The following CCDC39 variants were observed in gnomAD, a reference collection of about 807,000 sequenced individuals.
CCDC39 encodes coiled-coil domain-containing protein 39.
A neutral mutation model predicts 121.0 loss-of-function variants in CCDC39; 113 were observed. The observed-to-expected ratio is 0.93, with a 90% CI of 0.80 to 1.09. CCDC39 has a LOEUF of 1.09. CCDC39 is among the 50% of genes least tolerant of loss of function. The probability of loss-of-function intolerance (pLI) is 0.00; values close to 1 mark genes in which losing one functional copy is unlikely to be tolerated. For missense variants in CCDC39, 1,063 were observed against 1,074.7 expected (o/e 0.99, Z 0.15); for synonymous variants, 349 against 352.2 (o/e 0.99, Z 0.10).
At chr3:180,664,729 C>T (rs956754830) in intron 1 of CCDC39, among the ~76,000 whole-genome samples, 1 of 148,706 alleles carries the variant, frequency 6.7e-6, no homozygotes, top group African/African-American at 2.5e-5. Flanking sequence ...GAGTCTTGCT[C>T]TTGTCACCCA....
At chr3:180,643,173 A>T (rs190817320) in intron 12 of CCDC39, among the ~76,000 whole-genome samples, 2,747 of 151,970 alleles carry the variant, frequency 0.018, 109 homozygotes, top group African/African-American at 0.064. Flanking sequence ...GTTAGCCAGG[A>T]TGGTCTCGAT....
intron 12 of CCDC39, among the ~76,000 whole-genome samples, chr3:180,643,837 T>C (rs1236270272): frequency 6.6e-6 from 1 of 152,166 alleles, no homozygotes; most frequent in African/African-American, 2.4e-5. Context: ...TAAACTATGG[T>C]AATTTCATGC....
intron 8 of CCDC39, among the ~76,000 whole-genome samples, chr3:180,651,765 CG>C (rs1197295776): frequency 6.6e-6 from 1 of 152,018 alleles, no homozygotes; most frequent in African/African-American, 2.4e-5. Context: ...TGGCCAGGCG[CG>C]GTGGCTCACG....
intron 1 of CCDC39, among the ~76,000 whole-genome samples, chr3:180,669,864 T>C (rs964331756): frequency 3.9e-5 from 6 of 152,182 alleles, no homozygotes; most frequent in Non-Finnish European, 8.8e-5. Flanking sequence ...ATCAGATCGT[T>C]GACTGCTCTG....
At chr3:180,652,409 T>G (rs920259367) in intron 7 of CCDC39, 143 bp from the exon 8 acceptor site, 2 of 493,874 alleles carry the variant, frequency 4.0e-6, no homozygotes, top group Admixed American at 4.0e-5. Flanking sequence ...ATATTTAATA[T>G]ATAAACAGAT....
intron 12 of CCDC39, among the ~76,000 whole-genome samples, chr3:180,642,669 T>C (rs1717983522): frequency 6.6e-6 from 1 of 152,176 alleles, no homozygotes. Flanking sequence ...TAAGATTTTA[T>C]TGTTTCATAA....
At chr3:180,669,206 T>C (rs1357864195) in intron 1 of CCDC39, among the ~76,000 whole-genome samples, 1 of 152,028 alleles carries the variant, frequency 6.6e-6, no homozygotes, top group African/African-American at 2.4e-5. Flanking sequence ...GTTTGGCTGA[T>C]TTATTTATCT....
chr3:180,614,625 AAAT>A lies in CCDC39; in HGVS notation c.*293_*295del, dbSNP rs1253744610. ...CATTAGAAGTGAGTGTAGTTTCGTG[AAAT>A]AATGAAGCAAACTATTTTCTAACAC... On this transcript the variant is annotated 3_prime_UTR_variant, in exon 20 of 20. Transcript: ENST00000476379. 1 of 269,650 alleles carries A rather than the reference AAAT, an allele frequency of 3.7e-6. No individual in the cohort carries two copies. The highest frequency in any genetic ancestry group is 2.3e-5 in the African/African-American group (1 of 43,972). The allele number at this position is 269,650 out of a possible 1,614,324, so 16.7% of individuals were successfully genotyped here. A position where few individuals can be genotyped will look rare whatever the true frequency, so the allele number is the denominator to read the frequency against.
intron 15 of CCDC39, among the ~76,000 whole-genome samples, 152 bp from the exon 16 acceptor site, chr3:180,619,517 A>G (rs1469678819): frequency 6.6e-6 from 1 of 151,982 alleles, no homozygotes; most frequent in Non-Finnish European, 1.5e-5. Context: ...TGTAGTAGCC[A>G]TTTCTTGTTT....
Position 180,641,297 on chromosome 3 carries a change from A to T in CCDC39, c.1874+696T>A, listed in dbSNP as rs141913161. ...CAATGTGGTAAAAGGTATCTAAAAA[A>T]TAGAAATAAACTACAGTAAACCTTA... On this transcript the variant is annotated intron_variant, in intron 13 of 19. Transcript: ENST00000476379. Among the ~76,000 whole-genome samples, 782 of 152,244 alleles carry T rather than the reference A, an allele frequency of 5.1e-3. 9 individuals are homozygous for T. The highest frequency in any genetic ancestry group is 0.018 in the African/African-American group (729 of 41,592).
chr3:180,619,433 T>C (rs1198502109), intron 15 of CCDC39, 68 bp from the exon 16 acceptor site: 3 of 789,848 alleles, frequency 3.8e-6, no homozygotes, highest in East Asian at 2.7e-5. Context: ...TAAAGTATTA[T>C]GTAAATTGCA....
At chr3:180,637,335 C>A (rs1472528349) in intron 13 of CCDC39, among the ~76,000 whole-genome samples, 2 of 152,114 alleles carry the variant, frequency 1.3e-5, no homozygotes, top group African/African-American at 4.8e-5. Context: ...CTCAATAGAT[C>A]TTTAGAAAAA....
At position 180,662,013 on chromosome 3, in the gene CCDC39, G is replaced by C; in HGVS notation, c.211-6C>G. On this transcript the variant is annotated splice_region_variant and splice_polypyrimidine_tract_variant and intron_variant, in intron 2 of 19. Transcript: ENST00000476379. ...TCCCTTGCTTTGCAAAGAGACTACA[G>C]AATAACACACAAGATAAAAAGGCTT... 6.5e-7 allele frequency: 1 copy of C among 1,540,222 alleles called. No homozygotes were observed. Among genetic ancestry groups the C allele is most frequent in the Non-Finnish European group, 8.7e-7 (1 of 1,143,990 alleles).
At chr3:180,619,712 C>G in intron 15 of CCDC39, 99 bp downstream of exon 15, 1 of 723,296 alleles carries the variant, frequency 1.4e-6, no homozygotes, top group Non-Finnish European at 2.1e-6. Flanking sequence ...CCCAATCTAA[C>G]ATAGTTTGCT....
Position 180,651,430 on chromosome 3 carries a change from T to C in CCDC39, c.1138A>G (p.Met380Val), listed in dbSNP as rs1388537061. 6.4e-7 allele frequency: 1 copy of C among 1,559,536 alleles called. No individual in the cohort carries two copies. Among genetic ancestry groups the C allele is most frequent in the African/African-American group, 1.4e-5 (1 of 73,760 alleles). ...VEEKATNLED[M>V]LKEEEKDVKE... is the part of the protein sequence containing the mutation. ...ACATCTTTTTCCTCCTCCTTTAGCA[T>C]ATCTTCCAAATTAGTAGCTTTCTCT... Residue 380 changes from methionine to valine, a missense_variant, in exon 9 of 20, where the codon ATG (methionine) becomes GTG (valine). By Grantham distance (21) the Met-to-Val change is conservative (BLOSUM62 1). Transcript: ENST00000476379.
At chr3:180,641,887 G>T in intron 13 of CCDC39, 106 bp downstream of exon 13, 3 of 688,852 alleles carry the variant, frequency 4.4e-6, no homozygotes, top group Non-Finnish European at 7.0e-6. Flanking sequence ...AAGCCATTTC[G>T]AATGAGTAAA....
At chr3:180,664,797 C>T (rs1484175504) in intron 1 of CCDC39, among the ~76,000 whole-genome samples, 1 of 151,076 alleles carries the variant, frequency 6.6e-6, no homozygotes, top group Non-Finnish European at 1.5e-5. Flanking sequence ...CCGAGTTCAA[C>T]GAGATTCTGC....
Position 180,619,303 on chromosome 3 carries a change from T to C in CCDC39, c.2221A>G (p.Arg741Gly). 1.3e-6 allele frequency: 2 copies of C among 1,547,376 alleles called. No individual in the cohort carries two copies. Among genetic ancestry groups the C allele is most frequent in the Non-Finnish European group, 1.7e-6 (2 of 1,143,074 alleles). Residue 741 changes from arginine to glycine, a missense_variant, in exon 16 of 20, where the codon AGA becomes GGA. Coordinates refer to ENST00000476379, the MANE Select transcript of CCDC39 (RefSeq NM_181426.2). ...EQKRAVDEKY[R>G]YKQRQIRELQ... ...TCTCTGATTTGTCTTTGTTTGTATC[T>C]GTATTTTTCATCAACAGCTCTTTTT... is the stretch of plus-strand genomic sequence containing the variant.
In CCDC39 at chr3:180,679,396, G is replaced by A. The variant is rs922595269; in HGVS notation, c.-16C>T. 1.2e-6 allele frequency: 2 copies of A among 1,610,460 alleles called. No individual in the cohort carries two copies. The highest frequency in any genetic ancestry group is 1.7e-5 in the Admixed American group (1 of 60,022). On this transcript the variant is annotated 5_prime_UTR_variant, in exon 1 of 20. Coordinates refer to ENST00000476379, the MANE Select transcript of CCDC39 (RefSeq NM_181426.2). This position sits in a 1 kb window ranked among gnomAD's most constrained non-coding sequence, Gnocchi z 4.0. ...CGCTACTCATGACTGCAAACGGATAGAGAAGATACAGAGCAAAGATCCGCC... is the reference window on the plus strand; with the variant it reads ...CGCTACTCATGACTGCAAACGGATAAAGAAGATACAGAGCAAAGATCCGCC...
Sources: allele counts gnomAD v4.1 joint callset (sites outside exome capture counted in the v4.1 genomes callset), GRCh38; gene constraint gnomAD v4.1.1; non-coding constraint Gnocchi (gnomAD v3.1); transcripts MANE v1.5; gene names NCBI Gene and HGNC (gene_info 2026-07-23, HGNC 2026-07-21).